SORD: variants seen among roughly 807,000 people sequenced by gnomAD.
The protein encoded by SORD is (R,R)-butanediol dehydrogenase.
In SORD, 18 loss-of-function variants were observed where a neutral mutation model predicts 35.6. That is an observed-to-expected ratio of 0.51 (90% CI 0.35 to 0.75). The LOEUF (loss-of-function observed/expected upper bound fraction) is 0.75, where lower values mean the gene tolerates loss of function less well. Ranked by LOEUF, SORD falls within the 30% of genes least tolerant of loss-of-function variation. SORD has a pLI of 0.01. For missense variants in SORD, 250 were observed against 390.2 expected (o/e 0.64, Z 3.03); for synonymous variants, 106 against 152.9 (o/e 0.69, Z 2.26).
intron 3 of SORD, among the ~76,000 whole-genome samples, chr15:45,056,199 T>C (rs964008264): frequency 2.6e-5 from 4 of 152,034 alleles, no homozygotes; most frequent in Admixed American, 6.6e-5. Context: ...GAAGTCAAAT[T>C]GTCCCTGTTT....
Position 45,069,063 on chromosome 15 carries a change from T to C in SORD, c.786+11T>C. Reference sequence around the variant, plus strand: ...CAGGCGGGCATCTACGTGAGTGGGCTGAGGGCAGCTTTGGGGAATCAGCAT... The same window carrying C: ...CAGGCGGGCATCTACGTGAGTGGGCCGAGGGCAGCTTTGGGGAATCAGCAT... On this transcript the variant is annotated intron_variant, in intron 7 of 8. Transcript: ENST00000267814. 1 of 1,599,590 alleles carries C rather than the reference T, an allele frequency of 6.3e-7. No individual in the cohort carries two copies. The highest frequency in any genetic ancestry group is 1.4e-5 in the African/African-American group (1 of 73,922).
At chr15:45,068,465 C>G (rs1815082) in intron 6 of SORD, among the ~76,000 whole-genome samples, 29,780 of 120,542 alleles carry the variant, frequency 0.25, 5,267 homozygotes, top group African/African-American at 0.53. Flanking sequence ...GTGTGTGTGT[C>G]TGTGTGTAGC....
At chr15:45,038,726 G>A (rs1650125562) in intron 1 of SORD, among the ~76,000 whole-genome samples, 1 of 152,202 alleles carries the variant, frequency 6.6e-6, no homozygotes, top group African/African-American at 2.4e-5. Flanking sequence ...TGATCACTAA[G>A]CACAGTGATA....
At chr15:45,069,143 G>A (rs1169966121) in intron 7 of SORD, 91 bp downstream of exon 7, 28 of 850,952 alleles carry the variant, frequency 3.3e-5, no homozygotes, top group South Asian at 1.2e-4. Context: ...AGCTTGCTGC[G>A]TGAGCCCCAA....
chr15:45,065,418 G>T, intron 5 of SORD, 29 bp downstream of exon 5: 1 of 1,574,174 alleles, frequency 6.4e-7, no homozygotes, highest in Non-Finnish European at 8.6e-7. Context: ...CCTGTTGCGG[G>T]TTCATTGACT....
chr15:45,061,127 G>A lies in SORD; in HGVS notation c.326G>A (p.Gly109Asp), dbSNP rs1361580550. ...PRENDEFCKM[G>D]RYNLSPSIFF... ...GAAAATGATGAATTCTGCAAGATGG[G>A]CCGATACAATCTGTCACCTTCCATC... is the stretch of plus-strand genomic sequence containing the variant. Residue 109 changes from glycine to aspartate, a missense_variant, in exon 4 of 9, where the codon GGC becomes GAC. By Grantham distance (94) the Gly-to-Asp change is moderately conservative. This residue lies in a region of SORD where 126 missense variants were observed against 148.7 expected (regional missense o/e 0.85). Coordinates refer to ENST00000267814, the MANE Select transcript of SORD (RefSeq NM_003104.6). 1 of 1,614,098 alleles carries A rather than the reference G, an allele frequency of 6.2e-7. No homozygotes were observed. The highest frequency in any genetic ancestry group is 8.5e-7 in the Non-Finnish European group (1 of 1,180,002).
At chr15:45,058,987 A>G (rs1893259991) in intron 3 of SORD, among the ~76,000 whole-genome samples, 1 of 152,132 alleles carries the variant, frequency 6.6e-6, no homozygotes, top group Non-Finnish European at 1.5e-5. Flanking sequence ...CCCACTGTGT[A>G]CATGCCCAAA....
chr15:45,028,770 CTAAGCATTTTTAAA>C (rs140031521), intron 1 of SORD, among the ~76,000 whole-genome samples: 30,525 of 149,308 alleles, frequency 0.2, no homozygotes, highest in African/African-American at 0.44. Flanking sequence ...TTGCTTTGAC[CTAAGCATTTTTAAA>C]TACTCTTATT....
In SORD at chr15:45,065,280, C is replaced by T; in HGVS notation, c.435C>T (p.Asp145=). ...HNAAFCYKLP[D]NVTFEEGALI... is the part of the protein sequence containing the mutation. ...TCAATTGACTCCTCAGGCTTCCTGACAATGTCACCTTTGAGGAAGGCGCCC... is the reference window on the plus strand; with the variant it reads ...TCAATTGACTCCTCAGGCTTCCTGATAATGTCACCTTTGAGGAAGGCGCCC... The change falls in exon 5 of 9, where the codon GAC becomes GAT. Residue 145 remains aspartate (D), a synonymous_variant. Coordinates refer to ENST00000267814, the MANE Select transcript of SORD (RefSeq NM_003104.6). The T allele has an allele frequency of 1.2e-6, 2 of 1,613,452 alleles. No homozygotes were observed. Among genetic ancestry groups the T allele is most frequent in the Non-Finnish European group, 1.7e-6 (2 of 1,179,636 alleles).
At chr15:45,027,407 G>A (rs943447138) in intron 1 of SORD, among the ~76,000 whole-genome samples, 2 of 152,250 alleles carry the variant, frequency 1.3e-5, no homozygotes, top group African/African-American at 4.8e-5. Flanking sequence ...GATAATGGTA[G>A]TATTCATCTT....
intron 1 of SORD, among the ~76,000 whole-genome samples, chr15:45,039,135 C>CT (rs60032579): frequency 0.11 from 16,005 of 147,406 alleles, 921 homozygotes; most frequent in South Asian, 0.22. Flanking sequence ...CTCTCTCTTC[C>CT]TTTTTTTTTT....
intron 1 of SORD, among the ~76,000 whole-genome samples, chr15:45,030,244 A>G (rs1485362576): frequency 6.6e-6 from 1 of 152,266 alleles, no homozygotes; most frequent in African/African-American, 2.4e-5. Context: ...GAAGCAAGCA[A>G]TATCACAAAT....
intron 4 of SORD, among the ~76,000 whole-genome samples, chr15:45,063,691 C>G (rs1705582248): frequency 2.6e-5 from 4 of 152,218 alleles, no homozygotes. Flanking sequence ...TCCACGCAAG[C>G]CACCCTCTGC....
chr15:45,062,135 C>T (rs559383361), intron 4 of SORD, among the ~76,000 whole-genome samples: 2 of 151,370 alleles, frequency 1.3e-5, no homozygotes, highest in East Asian at 2.0e-4. Context: ...AAGTGGTTTG[C>T]ATGCTTCAAT....
At chr15:45,063,309 C>G (rs1566963975) in intron 4 of SORD, among the ~76,000 whole-genome samples, 1 of 152,096 alleles carries the variant, frequency 6.6e-6, no homozygotes, top group Non-Finnish European at 1.5e-5. Context: ...ATCTGTTACC[C>G]AATTTGGACT....
chr15:45,038,131 CCTTCCTTCCTT>C (rs1892900633), intron 1 of SORD, among the ~76,000 whole-genome samples: 3 of 13,356 alleles, frequency 2.2e-4, no homozygotes, highest in African/African-American at 1.2e-3. Flanking sequence ...ATCCTCCCTT[CCTTCCTTCCTT>C]CCTTCCTTCC....
At chr15:45,062,707 G>A (rs908657926) in intron 4 of SORD, among the ~76,000 whole-genome samples, 3 of 135,230 alleles carry the variant, frequency 2.2e-5, no homozygotes, top group East Asian at 2.0e-4. Flanking sequence ...CATCTTTCTC[G>A]GGCCCTTTCC....
At chr15:45,043,751 T>C (rs1191965663) in intron 3 of SORD, among the ~76,000 whole-genome samples, 2 of 149,744 alleles carry the variant, frequency 1.3e-5, no homozygotes, top group Middle Eastern at 3.2e-3. Flanking sequence ...GAGAAAACAT[T>C]TGAGGCACAG....
intron 4 of SORD, 27 bp from the exon 5 acceptor site, chr15:45,065,244 A>C (rs1479115874): frequency 2.7e-6 from 4 of 1,475,858 alleles, no homozygotes; most frequent in Non-Finnish European, 3.8e-6. Flanking sequence ...AACTCAGAGG[A>C]TCTCTGTGTG....
Sources: allele counts gnomAD v4.1 joint callset (sites outside exome capture counted in the v4.1 genomes callset), GRCh38; gene constraint gnomAD v4.1.1; regional missense constraint gnomAD v4.1.1; transcripts MANE v1.5; gene names NCBI Gene and HGNC (gene_info 2026-07-23, HGNC 2026-07-21).